The following TRPM2 variants were observed in gnomAD, a reference collection of about 807,000 sequenced individuals.
TRPM2 encodes the protein transient receptor potential cation channel subfamily M member 2, also known as estrogen-responsive element-associated gene 1 protein.
TRPM2 carries 161 observed loss-of-function variants against 174.0 expected under a neutral mutation model. The ratio of observed to expected loss-of-function variants is 0.93; its 90% confidence interval spans 0.81 to 1.05. TRPM2 has a LOEUF of 1.05. Among genes scored for constraint, TRPM2 ranks in the 50% least tolerant of loss-of-function variants. TRPM2 has a pLI of 0.00. For missense variants in TRPM2, 2,057 were observed against 2,038.0 expected (o/e 1.01, Z -0.18); for synonymous variants, 954 against 861.3 (o/e 1.11, Z -1.88).
intron 30 of TRPM2, 55 bp from the exon 31 acceptor site, chr21:44,440,734 G>A (rs931380429): frequency 3.0e-5 from 45 of 1,500,520 alleles, no homozygotes; most frequent in Admixed American, 2.2e-4. Context: ...GAGGTGGGCC[G>A]GGGCACCGCT....
rs1465818441 is a variant in TRPM2 at position 44,369,363 on chromosome 21, G to A, written c.771+20G>A. ...CCCACGGTGAGTGCGGCCCCCTAGG[G>A]AGGGGAGCCTAAGACCAGGGGTGTG... is the stretch of plus-strand genomic sequence containing the variant. On this transcript the variant is annotated intron_variant, in intron 5 of 31. Transcript: ENST00000397928. The A allele has an allele frequency of 1.9e-6, 3 of 1,595,364 alleles. No homozygotes were observed. In the South Asian group the frequency reaches 3.4e-5, roughly 18 times the overall value.
At position 44,401,744 on chromosome 21, in the gene TRPM2, C is replaced by G. The variant is rs772309621; in HGVS notation, c.2385C>G (p.Pro795=). The G allele has an allele frequency of 1.2e-6, 2 of 1,613,628 alleles. No homozygotes were observed. The highest frequency in any genetic ancestry group is 1.7e-6 in the Non-Finnish European group (2 of 1,180,006). Residue 795 remains proline (P), a synonymous_variant, in exon 16 of 32, where the codon CCC becomes CCG. Transcript: ENST00000397928. ...AARARAFFTA[P]VVVFHLNILS... ...GCGCCCGTGCCTTCTTCACCGCACC[C>G]GTGGTGGTCTTCCACCTGAACATCC...
chr21:44,374,579 T>C (rs1468469430), intron 5 of TRPM2, among the ~76,000 whole-genome samples: 9 of 152,178 alleles, frequency 5.9e-5, no homozygotes, highest in Admixed American at 5.9e-4. Context: ...CTGGGGGTGA[T>C]GGGGGACAGT....
At chr21:44,422,667 C>G (rs574787967) in intron 22 of TRPM2, among the ~76,000 whole-genome samples, 3 of 152,198 alleles carry the variant, frequency 2.0e-5, no homozygotes, top group Admixed American at 2.0e-4. Flanking sequence ...GCTGGAGACT[C>G]GGGTTTGCCC....
chr21:44,402,786 G>C (rs1177999527), intron 16 of TRPM2, among the ~76,000 whole-genome samples: 2 of 152,222 alleles, frequency 1.3e-5, no homozygotes, highest in African/African-American at 4.8e-5. Context: ...GCCTGCACCT[G>C]CTGGCAGCCG....
At chr21:44,398,002 C>A in intron 13 of TRPM2, 126 bp downstream of exon 13, 4 of 1,195,836 alleles carry the variant, frequency 3.3e-6, no homozygotes, top group Non-Finnish European at 4.4e-6. Flanking sequence ...GGGCCTCAGC[C>A]CTGCACGCTT....
At chr21:44,394,148 C>T (rs979651902) in intron 11 of TRPM2, among the ~76,000 whole-genome samples, 6 of 152,030 alleles carry the variant, frequency 3.9e-5, no homozygotes, top group Admixed American at 6.6e-5. Context: ...GGATTACAGG[C>T]GTGAGCCACC....
In TRPM2 at chr21:44,367,913, G is replaced by A. The variant is rs540397965; in HGVS notation, c.604+979G>A. Among the ~76,000 whole-genome samples, 160 of 152,294 alleles carry A rather than the reference G, an allele frequency of 1.1e-3. 1 individual carries two copies. Among genetic ancestry groups the A allele is most frequent in the African/African-American group, 3.8e-3 (157 of 41,550 alleles). On this transcript the variant is annotated intron_variant, in intron 4 of 31. Coordinates refer to ENST00000397928, the MANE Select transcript of TRPM2 (RefSeq NM_003307.4). The surrounding 1 kb of genome is among the most constrained non-coding windows in gnomAD (Gnocchi z 4.6). Reference sequence around the variant, plus strand: ...CTGGTCACATGGGACTGGGTTTAACGCAGGTCACCATCCCACAGGCTCTTT... The same window carrying A: ...CTGGTCACATGGGACTGGGTTTAACACAGGTCACCATCCCACAGGCTCTTT...
At chr21:44,406,488 T>C in intron 18 of TRPM2, 106 bp from the exon 19 acceptor site, 1 of 1,357,166 alleles carries the variant, frequency 7.4e-7, no homozygotes, top group Non-Finnish European at 9.9e-7. Flanking sequence ...ATGCCGTGTC[T>C]GTGCTGTGAG....
intron 2 of TRPM2, among the ~76,000 whole-genome samples, chr21:44,356,033 T>C (rs887709931): frequency 1.3e-5 from 2 of 150,244 alleles, no homozygotes; most frequent in African/African-American, 4.9e-5. Context: ...TAAAAATAGT[T>C]ATACTGCATT....
intron 9 of TRPM2, among the ~76,000 whole-genome samples, chr21:44,386,616 C>T (rs2049024627): frequency 6.6e-6 from 1 of 152,124 alleles, no homozygotes; most frequent in East Asian, 1.9e-4. Context: ...AATGGAAAGA[C>T]ATCCCATGTT....
Position 44,353,864 on chromosome 21 carries a change from A to C in TRPM2, c.164A>C (p.Lys55Thr). ...CAGTGCCCCTTCGGCAACAATGACA[A>C]GGTAGGCTTTCTGCTGGTCAGCCTG... is the stretch of plus-strand genomic sequence containing the variant. The part of the protein sequence containing the change: ...RLQCPFGNND[K>T]QESLSSWIPE... The change falls in exon 1 of 32, where the codon AAG (lysine) becomes ACG (threonine). Residue 55 changes from lysine (K) to threonine (T), a missense_variant and splice_region_variant. Transcript: ENST00000397928. 6.3e-7 allele frequency: 1 copy of C among 1,597,154 alleles called. No homozygotes were observed. Among genetic ancestry groups the C allele is most frequent in the Non-Finnish European group, 8.5e-7 (1 of 1,173,060 alleles).
chr21:44,362,352 A>C (rs2048236961), intron 2 of TRPM2, among the ~76,000 whole-genome samples: 1 of 149,682 alleles, frequency 6.7e-6, no homozygotes, highest in Non-Finnish European at 1.5e-5. Flanking sequence ...AAAATACAAA[A>C]AAAAAAAAAA....
intron 9 of TRPM2, among the ~76,000 whole-genome samples, chr21:44,383,396 C>T (rs116391637): frequency 6.1e-4 from 93 of 152,332 alleles, no homozygotes; most frequent in Middle Eastern, 3.4e-3. Flanking sequence ...TCCTCCCGCC[C>T]GATGCTGGGC....
intron 7 of TRPM2, among the ~76,000 whole-genome samples, chr21:44,378,537 C>A (rs1272634585): frequency 6.6e-6 from 1 of 152,158 alleles, no homozygotes; most frequent in South Asian, 2.1e-4. Flanking sequence ...CGCCTCCTTA[C>A]CCCAGGCCGA....
chr21:44,353,787 G>C lies in TRPM2; in HGVS notation c.87G>C (p.Met29Ile). The stretch of plus-strand genomic sequence containing the variant: ...CCAGAAGGGTCACTGACCTGGGGAT[G>C]GTCTCCAATCTCCGGCGCAGCAACA... ...GLPRRVTDLG[M>I]VSNLRRSNSS... The change falls in exon 1 of 32, where the codon ATG (methionine) becomes ATC (isoleucine). Residue 29 changes from methionine (M) to isoleucine (I), a missense_variant. Physicochemically the swap from Met to Ile is conservative, Grantham distance 10 (BLOSUM62 1). Coordinates refer to ENST00000397928, the MANE Select transcript of TRPM2 (RefSeq NM_003307.4). The C allele has an allele frequency of 1.9e-6, 3 of 1,604,408 alleles. No homozygotes were observed. The highest frequency in any genetic ancestry group is 1.7e-6 in the Non-Finnish European group (2 of 1,176,118).
chr21:44,390,097 C>A (rs766119869), intron 9 of TRPM2, among the ~76,000 whole-genome samples: 1 of 152,144 alleles, frequency 6.6e-6, no homozygotes, highest in Non-Finnish European at 1.5e-5. Flanking sequence ...TGGTCTCGAT[C>A]TCCTGACCTC....
At chr21:44,435,381 G>T (rs2051205654) in intron 28 of TRPM2, among the ~76,000 whole-genome samples, 164 bp downstream of exon 28, 1 of 152,050 alleles carries the variant, frequency 6.6e-6, no homozygotes, top group African/African-American at 2.4e-5. Flanking sequence ...GGATAAACGT[G>T]AATATGCCCG....
chr21:44,382,878 A>G lies in TRPM2; in HGVS notation c.1318+58A>G, dbSNP rs113052594. On this transcript the variant is annotated intron_variant, in intron 9 of 31. Coordinates refer to ENST00000397928, the MANE Select transcript of TRPM2 (RefSeq NM_003307.4). ...GGAGGCCAGAACGTGAGCTCTGAGG[A>G]CGCCAAGTTCTAGTCTTGAAGTGCC... 3.8e-5 allele frequency: 56 copies of G among 1,474,232 alleles called. No individual in the cohort carries two copies. The African/African-American group carries it at 6.5e-4, about 17-fold the overall frequency. The allele number at this position is 1,474,232 out of a possible 1,614,324, so 91.3% of individuals were successfully genotyped here.
Sources: allele counts gnomAD v4.1 joint callset (sites outside exome capture counted in the v4.1 genomes callset), GRCh38; gene constraint gnomAD v4.1.1; non-coding constraint Gnocchi (gnomAD v3.1); transcripts MANE v1.5; gene names NCBI Gene and HGNC (gene_info 2026-07-23, HGNC 2026-07-21).